The following PRKN variants were observed in gnomAD, a reference collection of about 807,000 sequenced individuals.
The protein encoded by PRKN is parkin RBR E3 ubiquitin protein ligase.
In PRKN, 56 loss-of-function variants were observed where a neutral mutation model predicts 59.5. The ratio of observed to expected loss-of-function variants is 0.94; its 90% CI spans 0.76 to 1.18. The LOEUF is 1.18. Ranked by LOEUF, PRKN falls within the 50% of genes most tolerant of loss-of-function variation. The pLI is 0.00. For synonymous variants in PRKN, 250 were observed against 222.1 expected (o/e 1.13, Z -1.12); for missense variants, 657 against 596.4 (o/e 1.10, Z -1.06).
chr6:162,699,519 T>C (rs554500281), intron 1 of PRKN, among the ~76,000 whole-genome samples: 1 of 152,352 alleles, frequency 6.6e-6, no homozygotes, highest in South Asian at 2.1e-4. Context: ...CTATGTGAGA[T>C]ATAATCAAGA....
chr6:162,248,706 A>C (rs2128094769), intron 3 of PRKN, among the ~76,000 whole-genome samples: 1 of 152,324 alleles, frequency 6.6e-6, no homozygotes, highest in Admixed American at 6.5e-5. Flanking sequence ...CTAACCCAAG[A>C]TCCAAAAAAT....
intron 7 of PRKN, among the ~76,000 whole-genome samples, chr6:161,722,129 A>C (rs1306776114): frequency 1.3e-5 from 2 of 152,106 alleles, no homozygotes; most frequent in Non-Finnish European, 2.9e-5. Flanking sequence ...ACACCTTAAC[A>C]CCTGCCTCTG....
At chr6:161,493,335 C>G (rs1355844853) in intron 9 of PRKN, among the ~76,000 whole-genome samples, 1 of 152,206 alleles carries the variant, frequency 6.6e-6, no homozygotes, top group Non-Finnish European at 1.5e-5. Flanking sequence ...TTGACACTAT[C>G]ATTATTCCAT....
chr6:162,207,653 C>T (rs1785008616), intron 3 of PRKN, among the ~76,000 whole-genome samples: 2 of 152,130 alleles, frequency 1.3e-5, no homozygotes. Flanking sequence ...GCTTCCTTCC[C>T]TCTCCTTCTG....
intron 6 of PRKN, among the ~76,000 whole-genome samples, chr6:161,895,657 G>A (rs1029652953): frequency 2.4e-5 from 3 of 126,310 alleles, no homozygotes; most frequent in African/African-American, 1.1e-4. Flanking sequence ...TGAGATTCAG[G>A]AGCACGCCCA....
intron 1 of PRKN, among the ~76,000 whole-genome samples, chr6:162,538,549 A>T (rs908504970): frequency 6.6e-6 from 1 of 152,206 alleles, no homozygotes; most frequent in East Asian, 1.9e-4. Context: ...GTGGTGCAGA[A>T]ATTCATCCAG....
chr6:162,607,498 AAG>A (rs1478829165), intron 1 of PRKN, among the ~76,000 whole-genome samples: 1 of 152,076 alleles, frequency 6.6e-6, no homozygotes, highest in African/African-American at 2.4e-5. Context: ...CCAAGGTGGG[AAG>A]AGAGTCAGGG....
At chr6:161,929,450 T>C (rs1004875113) in intron 6 of PRKN, among the ~76,000 whole-genome samples, 1 of 151,388 alleles carries the variant, frequency 6.6e-6, no homozygotes, top group African/African-American at 2.4e-5. Context: ...TTGCACAGCA[T>C]GGGAAAGGTA....
chr6:162,710,414 C>CACACACACA (rs759309558), intron 1 of PRKN, among the ~76,000 whole-genome samples: 4 of 150,100 alleles, frequency 2.7e-5, no homozygotes, highest in Middle Eastern at 3.4e-3. Context: ...CACACACACA[C>CACACACACA]AACTGTTTGG....
At chr6:162,444,262 C>T (rs917452823) in intron 1 of PRKN, among the ~76,000 whole-genome samples, 1 of 152,010 alleles carries the variant, frequency 6.6e-6, no homozygotes, top group African/African-American at 2.4e-5. Context: ...CTCATAATAG[C>T]CCCCAACTGG....
At chr6:162,245,921 A>C (rs1562610155) in intron 3 of PRKN, among the ~76,000 whole-genome samples, 2 of 152,164 alleles carry the variant, frequency 1.3e-5, no homozygotes, top group African/African-American at 4.8e-5. Context: ...GTGACCTCAG[A>C]TCAATTAAAA....
intron 4 of PRKN, among the ~76,000 whole-genome samples, chr6:162,120,759 A>AACAT (rs1780879283): frequency 6.6e-6 from 1 of 152,148 alleles, no homozygotes; most frequent in South Asian, 2.1e-4. Context: ...CTAAAATATG[A>AACAT]CCTTCCTACC....
chr6:161,986,455 T>C (rs1444788401), intron 5 of PRKN, among the ~76,000 whole-genome samples: 1 of 151,508 alleles, frequency 6.6e-6, no homozygotes, highest in Non-Finnish European at 1.5e-5. Flanking sequence ...TAATTCACTC[T>C]GTTCTCTCCC....
At chr6:162,718,953 C>A (rs995563230) in intron 1 of PRKN, among the ~76,000 whole-genome samples, 5 of 151,060 alleles carry the variant, frequency 3.3e-5, no homozygotes, top group Admixed American at 2.6e-4. Flanking sequence ...CACACACATA[C>A]ACACACACAC....
intron 9 of PRKN, among the ~76,000 whole-genome samples, chr6:161,517,648 G>A (rs142446701): frequency 0.09 from 13,176 of 145,702 alleles, 694 homozygotes; most frequent in African/African-American, 0.16. Flanking sequence ...GCTGAGGCAG[G>A]AGAATGGTGT....
chr6:161,693,338 GT>G (rs1785882110), intron 7 of PRKN, among the ~76,000 whole-genome samples: 1 of 152,104 alleles, frequency 6.6e-6, no homozygotes. Flanking sequence ...GAGTATGGGT[GT>G]TTTATCTTAT....
At chr6:162,086,713 T>C (rs918497175) in intron 4 of PRKN, among the ~76,000 whole-genome samples, 1 of 152,162 alleles carries the variant, frequency 6.6e-6, no homozygotes, top group Non-Finnish European at 1.5e-5. Context: ...TCTGGGAGAA[T>C]GCTAGCAGCT....
intron 1 of PRKN, among the ~76,000 whole-genome samples, chr6:162,480,220 C>T (rs565081332): frequency 3.2e-4 from 48 of 152,268 alleles, no homozygotes; most frequent in African/African-American, 1.0e-3. Context: ...AGGGTCACCA[C>T]GCACACGAGG....
chr6:162,328,123 G>A (rs188940993), intron 2 of PRKN, among the ~76,000 whole-genome samples: 52 of 50,028 alleles, frequency 1.0e-3, no homozygotes, highest in Admixed American at 1.3e-3. Context: ...CATTTTGAGA[G>A]GCCAAGGCAG....
Sources: allele counts gnomAD v4.1 joint callset (sites outside exome capture counted in the v4.1 genomes callset), GRCh38; gene constraint gnomAD v4.1.1; transcripts MANE v1.5; gene names NCBI Gene and HGNC (gene_info 2026-07-23, HGNC 2026-07-21).